The following SIAE variants were observed in gnomAD, a reference collection of about 807,000 sequenced individuals.
The protein encoded by SIAE is sialate O-acetylesterase.
A neutral mutation model predicts 52.6 loss-of-function variants in SIAE; 39 were observed. The ratio of observed to expected loss-of-function variants is 0.74; its 90% CI spans 0.57 to 0.97. SIAE has a LOEUF of 0.97. SIAE is among the 50% of genes least tolerant of loss of function. The pLI is 0.00. For synonymous variants in SIAE, 233 were observed against 241.4 expected, an observed-to-expected ratio of 0.97 and a Z score of 0.32; for missense variants, 592 against 662.1, an observed-to-expected ratio of 0.89 and a Z score of 1.16.
At chr11:124,667,067 C>T (rs1264379755) in intron 2 of SIAE, among the ~76,000 whole-genome samples, 1 of 152,242 alleles carries the variant, frequency 6.6e-6, no homozygotes, top group Non-Finnish European at 1.5e-5. Context: ...TGTATTTCTA[C>T]AGCACTGTGT....
upstream of SIAE, chr11:124,675,512 G>A (rs1943451218): frequency 7.2e-7 from 1 of 1,390,690 alleles, no homozygotes; most frequent in East Asian, 2.4e-5. Flanking sequence ...TCTGCAGAAA[G>A]CCTTTTATGA....
chr11:124,674,840 T>TA (rs770029810), upstream of SIAE: 14 of 152,454 alleles, frequency 9.2e-5, no homozygotes, highest in South Asian at 2.0e-4. Flanking sequence ...TTCTACTCTT[T>TA]AAAAAAAAAT....
intron 7 of SIAE, 144 bp from the exon 8 acceptor site, chr11:124,640,011 AGT>A: frequency 3.9e-6 from 4 of 1,028,938 alleles, no homozygotes; most frequent in Non-Finnish European, 5.9e-6. Context: ...CTGTTGTGGC[AGT>A]GTCTCTCCAA....
chr11:124,646,304 A>C (rs1343748438), intron 7 of SIAE, among the ~76,000 whole-genome samples: 1 of 152,206 alleles, frequency 6.6e-6, no homozygotes, highest in Non-Finnish European at 1.5e-5. Flanking sequence ...AGTGCCAATC[A>C]ACTACATACG....
chr11:124,673,834 T>A (rs1395550042), upstream of SIAE: 93 of 1,030,376 alleles, frequency 9.0e-5, no homozygotes, highest in Admixed American at 2.1e-3. Flanking sequence ...ACCTCAGGAC[T>A]GGGCTGTACT....
chr11:124,663,902 A>G (rs11219750), intron 2 of SIAE, among the ~76,000 whole-genome samples: 1 of 152,134 alleles, frequency 6.6e-6, no homozygotes, highest in South Asian at 2.1e-4. Flanking sequence ...TTCTGCTGAT[A>G]GAGATCAGCT....
chr11:124,644,963 C>A (rs909427614), intron 7 of SIAE, among the ~76,000 whole-genome samples: 1 of 152,198 alleles, frequency 6.6e-6, no homozygotes, highest in Non-Finnish European at 1.5e-5. Context: ...CTTCTGATTT[C>A]TCTCATCAAC....
At position 124,660,704 on chromosome 11, in the gene SIAE, A is replaced by G; in HGVS notation, c.329T>C (p.Leu110Pro). ...QQTLEKINFTLRVHDVLFGDV... is the reference protein window; with the variant it reads ...QQTLEKINFTPRVHDVLFGDV... ...TCCAAACAGGACGTCATGAACTCTCAGGGTGAAGTTTATTTTCTCCAAAGT... is the reference window on the plus strand; with the variant it reads ...TCCAAACAGGACGTCATGAACTCTCGGGGTGAAGTTTATTTTCTCCAAAGT... Residue 110 changes from leucine to proline, a missense_variant, in exon 3 of 10, where the codon CTG (leucine) becomes CCG (proline). Leu to Pro is a moderately conservative substitution (Grantham distance 98). Transcript: ENST00000263593. 1 of 1,614,178 alleles carries G rather than the reference A, an allele frequency of 6.2e-7. No homozygotes were observed. The highest frequency in any genetic ancestry group is 8.5e-7 in the Non-Finnish European group (1 of 1,180,024).
chr11:124,644,681 AG>A (rs1173555370), intron 7 of SIAE, among the ~76,000 whole-genome samples: 2 of 152,308 alleles, frequency 1.3e-5, no homozygotes, highest in East Asian at 1.9e-4. Context: ...AACATGCTGC[AG>A]TTTGTGGTCT....
chr11:124,649,787 C>A lies in SIAE; in HGVS notation c.554G>T (p.Gly185Val). 1 of 1,614,078 alleles carries A rather than the reference C, an allele frequency of 6.2e-7. No individual in the cohort carries two copies. The highest frequency in any genetic ancestry group is 8.5e-7 in the Non-Finnish European group (1 of 1,179,994). ...TGACATGTACTTGAAATATCCATGG[C>A]CTAAGTTTTCTGTTCAGAGAAATGG... ...QWSKPTSENL[G>V]HGYFKYMSAV... The change falls in exon 5 of 10, where the codon GGC (glycine) becomes GTC (valine). Residue 185 changes from glycine to valine, a missense_variant. Coordinates refer to ENST00000263593, the MANE Select transcript of SIAE (RefSeq NM_170601.5).
At position 124,635,320 on chromosome 11, in the gene SIAE, C is replaced by T. The variant is rs1942704123; in HGVS notation, c.*1631G>A. ...AACGAGTTGAATGCTAGGAAGTCCTCAGGGGAGCCAACGTTCCTTGTAAAG... is the reference window on the plus strand; with the variant it reads ...AACGAGTTGAATGCTAGGAAGTCCTTAGGGGAGCCAACGTTCCTTGTAAAG... On this transcript the variant is annotated 3_prime_UTR_variant, in exon 10 of 10. Coordinates refer to ENST00000263593, the MANE Select transcript of SIAE (RefSeq NM_170601.5). The T allele has an allele frequency of 6.6e-6, 1 of 152,200 alleles. No individual in the cohort carries two copies. Among genetic ancestry groups the T allele is most frequent in the African/African-American group, 2.4e-5 (1 of 41,454 alleles). 9.4% of individuals were successfully genotyped at this position (152,200 alleles called of 1,614,324 possible).
At chr11:124,639,891 T>A (rs1398021158) in intron 7 of SIAE, 24 bp from the exon 8 acceptor site, 2 of 1,612,922 alleles carry the variant, frequency 1.2e-6, no homozygotes. Flanking sequence ...ACATTGCTAA[T>A]TTTATTGTAT....
At chr11:124,673,005 A>G (rs1229175684) in intron 1 of SIAE, among the ~76,000 whole-genome samples, 1 of 152,122 alleles carries the variant, frequency 6.6e-6, no homozygotes, top group Non-Finnish European at 1.5e-5. Flanking sequence ...TTCGAATGGC[A>G]AGATCTGACC....
rs554816653 is a variant in SIAE, at chr11:124,645,279, G to C, written c.966+2086C>G. On this transcript the variant is annotated intron_variant, in intron 7 of 9. Coordinates refer to ENST00000263593, the MANE Select transcript of SIAE (RefSeq NM_170601.5). The surrounding 1 kb of genome is among the most constrained non-coding windows in gnomAD (Gnocchi z 4.7). Reference sequence around the variant, plus strand: ...TAAGGGACTTTCACTAAACTGTAAGGCATAAGTACAAGAATCAGGTCTTTC... The same window carrying C: ...TAAGGGACTTTCACTAAACTGTAAGCCATAAGTACAAGAATCAGGTCTTTC... 6.6e-6 allele frequency among the ~76,000 whole-genome samples: 1 copy of C among 151,504 alleles called. No individual in the cohort carries two copies. The highest frequency in any genetic ancestry group is 2.1e-4 in the South Asian group (1 of 4,798).
chr11:124,633,867 C>T lies in SIAE; in HGVS notation c.*3084G>A, dbSNP rs564294372. 6.6e-6 allele frequency: 1 copy of T among 152,204 alleles called. No homozygotes were observed. The highest frequency in any genetic ancestry group is 2.4e-5 in the African/African-American group (1 of 41,536). 9.4% of individuals were successfully genotyped at this position (152,204 alleles called of 1,614,324 possible). ...TCCCACTATTACAGCCTGAGTAATA[C>T]CCGTATTAAAAGAGCCTCATTTTAG... On this transcript the variant is annotated 3_prime_UTR_variant, in exon 10 of 10. Coordinates refer to ENST00000263593, the MANE Select transcript of SIAE (RefSeq NM_170601.5).
At chr11:124,660,212 C>T (rs527295402) in intron 3 of SIAE, 11 of 252,434 alleles carry the variant, frequency 4.4e-5, no homozygotes, top group Admixed American at 2.1e-4. Flanking sequence ...ATCGCTTGAA[C>T]CCGGGAGGTG....
upstream of SIAE, chr11:124,673,915 C>T: frequency 3.4e-6 from 2 of 595,602 alleles, no homozygotes; most frequent in Non-Finnish European, 5.9e-6. Context: ...ACTAGAAAAA[C>T]AACCGGAACC....
intron 3 of SIAE, chr11:124,659,688 T>A (rs1943157736): frequency 1.5e-5 from 2 of 132,208 alleles, no homozygotes; most frequent in Middle Eastern, 4.5e-3. Flanking sequence ...TAAGACAGAA[T>A]GTAAGAGTAA....
intron 7 of SIAE, among the ~76,000 whole-genome samples, chr11:124,646,645 G>T (rs531384376): frequency 6.6e-6 from 1 of 152,188 alleles, no homozygotes; most frequent in Non-Finnish European, 1.5e-5. Context: ...ACAAATTCAT[G>T]AATTTCTTCA....
Sources: gnomAD v4.1 joint callset for allele counts (sites outside exome capture counted in the v4.1 genomes callset) on GRCh38, gnomAD v4.1.1 for gene constraint, Gnocchi (gnomAD v3.1) non-coding constraint, MANE v1.5 for transcripts, NCBI Gene and HGNC (gene_info 2026-07-23, HGNC 2026-07-21) for gene names.